Variants in COL25A1 observed in about 807,000 individuals in gnomAD.
COL25A1 encodes the protein collagen alpha-1(XXV) chain.
COL25A1 carries 103 observed loss-of-function variants against 128.4 expected under a neutral mutation model. The observed-to-expected ratio is 0.80, with a 90% CI of 0.68 to 0.94. The LOEUF is 0.94. Ranked by LOEUF, COL25A1 falls within the 40% of genes least tolerant of loss-of-function variation. The pLI is 0.00. For missense variants in COL25A1, 745 were observed against 840.0 expected (o/e 0.89, Z 1.40); for synonymous variants, 279 against 277.2 (o/e 1.01, Z -0.06).
chr4:109,145,520 AC>A (rs1770855162), intron 3 of COL25A1, among the ~76,000 whole-genome samples: 1 of 152,222 alleles, frequency 6.6e-6, no homozygotes, highest in Non-Finnish European at 1.5e-5. Flanking sequence ...AAGGTCAAAT[AC>A]TAAAGTTCAG....
intron 8 of COL25A1, among the ~76,000 whole-genome samples, chr4:108,967,750 C>T (rs999959825): frequency 5.3e-5 from 8 of 152,122 alleles, no homozygotes; most frequent in Non-Finnish European, 1.0e-4. Flanking sequence ...TAAGACTAAG[C>T]TATAGGCAAT....
intron 5 of COL25A1, among the ~76,000 whole-genome samples, chr4:109,014,515 G>A (rs1004628740): frequency 9.9e-5 from 15 of 152,204 alleles, no homozygotes; most frequent in African/African-American, 2.6e-4. Context: ...TCTTTAATAC[G>A]TCGCATTCCT....
At chr4:108,927,917 T>C (rs1746259724) in intron 11 of COL25A1, among the ~76,000 whole-genome samples, 1 of 152,182 alleles carries the variant, frequency 6.6e-6, no homozygotes, top group South Asian at 2.1e-4. Flanking sequence ...AATCTAGGTA[T>C]ATAAAAATCT....
At chr4:109,040,666 C>CT (rs1285813810) in intron 5 of COL25A1, among the ~76,000 whole-genome samples, 1 of 152,118 alleles carries the variant, frequency 6.6e-6, no homozygotes, top group Non-Finnish European at 1.5e-5. Context: ...AGCAACATGA[C>CT]TAAATATTTG....
intron 8 of COL25A1, among the ~76,000 whole-genome samples, chr4:108,966,424 G>C (rs1246923686): frequency 6.6e-6 from 1 of 152,166 alleles, no homozygotes; most frequent in Non-Finnish European, 1.5e-5. Context: ...CAGCAATCTG[G>C]AGGCAGCTTG....
intron 3 of COL25A1, among the ~76,000 whole-genome samples, chr4:109,193,868 T>C (rs746463534): frequency 2.0e-5 from 3 of 152,184 alleles, no homozygotes; most frequent in South Asian, 2.1e-4. Context: ...CAGGAAGTCA[T>C]AGGCCAAAAC....
intron 5 of COL25A1, among the ~76,000 whole-genome samples, chr4:109,012,572 C>T (rs986491038): frequency 6.6e-6 from 1 of 152,112 alleles, no homozygotes; most frequent in Non-Finnish European, 1.5e-5. Flanking sequence ...TTGGAGCGGC[C>T]GGCCAGCCGG....
rs1407170139 is a variant in COL25A1 at position 109,301,790 on chromosome 4, A to G, written c.230T>C (p.Leu77Pro). 1 of 1,614,262 alleles carries G rather than the reference A, an allele frequency of 6.2e-7. No individual in the cohort carries two copies. Among genetic ancestry groups the G allele is most frequent in the Admixed American group, 1.7e-5 (1 of 60,034 alleles). Reference protein sequence around the residue: ...ESAKGAPSIHLLPDTLDHLKT... With the variant: ...ESAKGAPSIHPLPDTLDHLKT... ...GAGGTGATCCAGGGTATCAGGCAGC[A>G]GATGAATGGAAGGGGCCCCTTTGGC... is the stretch of plus-strand genomic sequence containing the variant. The change falls in exon 2 of 38, where the codon CTG becomes CCG. Residue 77 changes from leucine to proline, a missense_variant. Physicochemically the swap from Leu to Pro is moderately conservative, Grantham distance 98. Coordinates refer to ENST00000399132, the MANE Select transcript of COL25A1 (RefSeq NM_198721.4).
chr4:108,860,182 G>A (rs1307967705), intron 23 of COL25A1, among the ~76,000 whole-genome samples: 1 of 152,068 alleles, frequency 6.6e-6, no homozygotes, highest in Non-Finnish European at 1.5e-5. Context: ...CGTGATCTCG[G>A]CTCACTGCAA....
chr4:109,235,553 C>T (rs1368895116), intron 3 of COL25A1, among the ~76,000 whole-genome samples: 3 of 151,594 alleles, frequency 2.0e-5, no homozygotes, highest in Non-Finnish European at 4.4e-5. Context: ...CGAATACACA[C>T]ACACACACAC....
intron 3 of COL25A1, among the ~76,000 whole-genome samples, chr4:109,120,037 A>G (rs1767978543): frequency 6.6e-6 from 1 of 152,094 alleles, no homozygotes; most frequent in African/African-American, 2.4e-5. Flanking sequence ...GAAAAATCAC[A>G]TGGTCTGCAT....
intron 5 of COL25A1, among the ~76,000 whole-genome samples, chr4:109,022,404 C>A (rs1281724755): frequency 6.6e-6 from 1 of 152,152 alleles, no homozygotes; most frequent in African/African-American, 2.4e-5. Flanking sequence ...ATTATCATCA[C>A]AAAGAGAAGA....
intron 3 of COL25A1, among the ~76,000 whole-genome samples, chr4:109,096,597 A>T (rs1397420001): frequency 6.6e-6 from 1 of 152,204 alleles, no homozygotes; most frequent in Non-Finnish European, 1.5e-5. Context: ...TTGCCTAATG[A>T]TGTGTTTCTC....
chr4:108,827,188 C>T lies in COL25A1; in HGVS notation c.1711G>A (p.Gly571Ser). 6.2e-7 allele frequency: 1 copy of T among 1,613,734 alleles called. No homozygotes were observed. The highest frequency in any genetic ancestry group is 2.2e-5 in the East Asian group (1 of 44,862). The change falls in exon 33 of 38, where the codon GGT becomes AGT. Residue 571 changes from glycine (G) to serine (S), a missense_variant and splice_region_variant. Gly to Ser is a moderately conservative substitution (Grantham distance 56). Around this residue, in one of 3 missense-constraint regions of COL25A1, gnomAD observed 387 missense variants for 441.9 expected, o/e 0.88. Coordinates refer to ENST00000399132, the MANE Select transcript of COL25A1 (RefSeq NM_198721.4). ...HGPAGPKGER[G>S]EKGAMGEPGP... Reference sequence around the variant, plus strand: ...GGCTCTCCCATAGCTCCTTTTTCACCCTAAAATGAAAAGTAGAAAGTTCAA... The same window carrying T: ...GGCTCTCCCATAGCTCCTTTTTCACTCTAAAATGAAAAGTAGAAAGTTCAA...
rs766279925 is a variant in COL25A1, at chr4:109,245,529, T to A, written c.367+55054A>T. On this transcript the variant is annotated intron_variant, in intron 3 of 37. Coordinates refer to ENST00000399132, the MANE Select transcript of COL25A1 (RefSeq NM_198721.4). ...GAGTACCAGACAAGCAGGGAAAGAATCAGTAAGCCCTTAGAATTAAAGGGC... is the reference window on the plus strand; with the variant it reads ...GAGTACCAGACAAGCAGGGAAAGAAACAGTAAGCCCTTAGAATTAAAGGGC... 1.4e-4 allele frequency among the ~76,000 whole-genome samples: 22 copies of A among 152,156 alleles called. 1 individual carries two copies. Among genetic ancestry groups the A allele is most frequent in the Admixed American group, 3.9e-4 (6 of 15,274 alleles).
intron 3 of COL25A1, among the ~76,000 whole-genome samples, chr4:109,133,173 A>G (rs187172108): frequency 2.4e-3 from 359 of 152,224 alleles, no homozygotes; most frequent in African/African-American, 8.2e-3. Flanking sequence ...CTTACTTGAC[A>G]TAACATTTAG....
chr4:108,853,601 T>C (rs1031979358), intron 24 of COL25A1, among the ~76,000 whole-genome samples: 1 of 152,120 alleles, frequency 6.6e-6, no homozygotes, highest in Non-Finnish European at 1.5e-5. Flanking sequence ...TGTGCCATCG[T>C]GGTTTGCTGC....
At chr4:108,899,308 T>A (rs555112915) in intron 14 of COL25A1, 128 bp from the exon 15 acceptor site, 1 of 725,396 alleles carries the variant, frequency 1.4e-6, no homozygotes. Flanking sequence ...TTTGGCTACA[T>A]GCAGTTGCTA....
intron 3 of COL25A1, among the ~76,000 whole-genome samples, chr4:109,297,749 A>G (rs544234317): frequency 1.3e-5 from 2 of 152,138 alleles, no homozygotes; most frequent in South Asian, 4.2e-4. Context: ...AGTAGCATAT[A>G]ATATACTAAA....
Sources: gnomAD v4.1 joint callset for allele counts (sites outside exome capture counted in the v4.1 genomes callset) on GRCh38, gnomAD v4.1.1 for gene constraint, gnomAD v4.1.1 regional missense constraint, MANE v1.5 for transcripts, NCBI Gene and HGNC (gene_info 2026-07-23, HGNC 2026-07-21) for gene names.